TMEM132C: variants seen among roughly 807,000 people sequenced by gnomAD.
The protein encoded by TMEM132C is protein phosphatase 1, regulatory subunit 152.
Under a neutral mutation model 61.4 loss-of-function variants are expected in TMEM132C, and 29 were observed. That is an observed-to-expected ratio of 0.47 (90% CI 0.35 to 0.64). The LOEUF is 0.64. Among genes scored for constraint, TMEM132C ranks in the 30% least tolerant of loss-of-function variants. TMEM132C has a pLI of 0.00. For synonymous variants in TMEM132C, 656 were observed against 633.1 expected (o/e 1.04, Z -0.54); for missense variants, 1,408 against 1,476.9 (o/e 0.95, Z 0.76).
At chr12:128,410,563 C>T (rs1868501953) in intron 1 of TMEM132C, among the ~76,000 whole-genome samples, 1 of 151,994 alleles carries the variant, frequency 6.6e-6, no homozygotes. Context: ...CCACCACACC[C>T]CGCTGATTTT....
At chr12:128,603,552 G>A (rs1196096943) in intron 3 of TMEM132C, among the ~76,000 whole-genome samples, 1 of 152,190 alleles carries the variant, frequency 6.6e-6, no homozygotes, top group Non-Finnish European at 1.5e-5. Flanking sequence ...GTGGATGCTG[G>A]GCGGAGGGCT....
chr12:128,673,964 T>TTA (rs762472923), intron 5 of TMEM132C, among the ~76,000 whole-genome samples: 252 of 152,378 alleles, frequency 1.7e-3, no homozygotes, highest in Non-Finnish European at 2.4e-3. Flanking sequence ...CTTCCAAGTA[T>TTA]ATTTGTGTGA....
intron 4 of TMEM132C, among the ~76,000 whole-genome samples, chr12:128,632,043 G>T (rs1035451220): frequency 6.6e-6 from 1 of 152,200 alleles, no homozygotes; most frequent in Admixed American, 6.5e-5. Flanking sequence ...TGTGACCCCC[G>T]GCTTTACAGA....
chr12:128,505,492 A>G (rs1234638917), intron 2 of TMEM132C, among the ~76,000 whole-genome samples: 1 of 152,102 alleles, frequency 6.6e-6, no homozygotes, highest in Non-Finnish European at 1.5e-5. Flanking sequence ...TTCTTCCGGG[A>G]TGAAATTGGG....
intron 2 of TMEM132C, among the ~76,000 whole-genome samples, chr12:128,496,816 C>T (rs1018153749): frequency 3.9e-5 from 6 of 152,198 alleles, no homozygotes; most frequent in African/African-American, 1.4e-4. Flanking sequence ...TTATCTGAAG[C>T]CTTCTTCTCT....
At chr12:128,342,311 T>G (rs928415203) in intron 1 of TMEM132C, among the ~76,000 whole-genome samples, 1 of 152,184 alleles carries the variant, frequency 6.6e-6, no homozygotes, top group African/African-American at 2.4e-5. Flanking sequence ...CCAGCCAGCC[T>G]GGCCACGCTT....
At chr12:128,395,336 A>G (rs922920470) in intron 1 of TMEM132C, among the ~76,000 whole-genome samples, 1 of 152,082 alleles carries the variant, frequency 6.6e-6, no homozygotes, top group African/African-American at 2.4e-5. Flanking sequence ...CTTATGTGAT[A>G]ATTGTGTAAT....
intron 2 of TMEM132C, among the ~76,000 whole-genome samples, chr12:128,428,706 C>T (rs1279698788): frequency 6.6e-6 from 1 of 152,138 alleles, no homozygotes; most frequent in African/African-American, 2.4e-5. Flanking sequence ...TAGATGCCCA[C>T]ACCTATGGCA....
At chr12:128,600,560 T>C (rs1202213185) in intron 3 of TMEM132C, among the ~76,000 whole-genome samples, 1 of 152,194 alleles carries the variant, frequency 6.6e-6, no homozygotes, top group Non-Finnish European at 1.5e-5. Flanking sequence ...GACCCATGCC[T>C]GCTTGGGAAA....
At chr12:128,571,691 G>T (rs1235340165) in intron 3 of TMEM132C, among the ~76,000 whole-genome samples, 1 of 152,194 alleles carries the variant, frequency 6.6e-6, no homozygotes, top group African/African-American at 2.4e-5. Flanking sequence ...GGCTTTCATG[G>T]TTATAGGAGA....
chr12:128,559,305 AT>A (rs1234965917), intron 3 of TMEM132C, among the ~76,000 whole-genome samples: 1 of 152,104 alleles, frequency 6.6e-6, no homozygotes, highest in Non-Finnish European at 1.5e-5. Context: ...AAACATCTGT[AT>A]ATTATGGCAT....
chr12:128,675,854 TAGATA>T (rs1456476583), intron 5 of TMEM132C, among the ~76,000 whole-genome samples: 1 of 129,694 alleles, frequency 7.7e-6, no homozygotes, highest in East Asian at 2.2e-4. Flanking sequence ...GATAGATAGA[TAGATA>T]GATAGATAGA....
At chr12:128,689,639 A>T (rs968261555) in intron 5 of TMEM132C, among the ~76,000 whole-genome samples, 1 of 152,126 alleles carries the variant, frequency 6.6e-6, no homozygotes, top group Non-Finnish European at 1.5e-5. Flanking sequence ...CCAAGTGGAG[A>T]CGTGGAAGAA....
intron 2 of TMEM132C, among the ~76,000 whole-genome samples, chr12:128,496,937 T>C (rs972610567): frequency 2.6e-5 from 4 of 152,152 alleles, no homozygotes; most frequent in African/African-American, 9.6e-5. Context: ...GCTTTTCTGC[T>C]CTGTTTTTTC....
chr12:128,531,561 C>A (rs1873302565), intron 2 of TMEM132C, among the ~76,000 whole-genome samples: 2 of 152,224 alleles, frequency 1.3e-5, no homozygotes, highest in African/African-American at 2.4e-5. Context: ...ACACACATAA[C>A]CACAGGTGAA....
At chr12:128,308,410 T>A (rs1871853624) in intron 1 of TMEM132C, among the ~76,000 whole-genome samples, 1 of 152,200 alleles carries the variant, frequency 6.6e-6, no homozygotes, top group Admixed American at 6.5e-5. Context: ...TTGTTCCACA[T>A]TCTGGAAACA....
chr12:128,497,279 G>A (rs996659805), intron 2 of TMEM132C, among the ~76,000 whole-genome samples: 3 of 152,248 alleles, frequency 2.0e-5, no homozygotes, highest in Non-Finnish European at 4.4e-5. Context: ...CTCGGGGTCA[G>A]GGACCCACTT....
chr12:128,489,573 A>ATATATATATATATATATG (rs1871637379), intron 2 of TMEM132C, among the ~76,000 whole-genome samples: 1 of 149,902 alleles, frequency 6.7e-6, no homozygotes, highest in Non-Finnish European at 1.5e-5. Context: ...ATATATATAT[A>ATATATATATATATATATG]TATATATATT....
chr12:128,607,372 G>A (rs888145231), intron 3 of TMEM132C, among the ~76,000 whole-genome samples: 3 of 152,272 alleles, frequency 2.0e-5, no homozygotes, highest in Non-Finnish European at 2.9e-5. Flanking sequence ...GTGAGATGGG[G>A]AAGCCCTTGG....
Sources: gnomAD v4.1 joint callset for allele counts (sites outside exome capture counted in the v4.1 genomes callset) on GRCh38, gnomAD v4.1.1 for gene constraint, MANE v1.5 for transcripts, NCBI Gene and HGNC (gene_info 2026-07-23, HGNC 2026-07-21) for gene names.